Variants in PDE4D observed in about 807,000 individuals in gnomAD.
PDE4D encodes phosphodiesterase 4D, also known as 3',5'-cyclic-AMP phosphodiesterase 4D.
A neutral mutation model predicts 87.4 loss-of-function variants in PDE4D; 24 were observed. The observed-to-expected ratio is 0.27, with a 90% CI of 0.20 to 0.39. The LOEUF (loss-of-function observed/expected upper bound fraction) is 0.39, where lower values mean the gene tolerates loss of function less well. PDE4D is among the 10% of genes least tolerant of loss of function. The pLI is 1.00. For missense variants in PDE4D, 714 were observed against 1,041.0 expected, an observed-to-expected ratio of 0.69 and a Z score of 4.32; for synonymous variants, 384 against 383.2, an observed-to-expected ratio of 1.00 and a Z score of -0.02.
At chr5:59,861,921 T>C (rs141210315) in intron 1 of PDE4D, among the ~76,000 whole-genome samples, 62 of 152,338 alleles carry the variant, frequency 4.1e-4, no homozygotes, top group Non-Finnish European at 6.9e-4. Flanking sequence ...AAGGCCTGAG[T>C]AGGGCCAGCC....
At position 59,245,840 on chromosome 5, in the gene PDE4D, A is replaced by G. The variant is rs1178214614; in HGVS notation, c.456-29872T>C. On this transcript the variant is annotated intron_variant, in intron 1 of 14. Coordinates refer to ENST00000340635, the MANE Select transcript of PDE4D (RefSeq NM_001104631.2). ...AAATGCCACTAAACTGCAAAGCACA[A>G]TCCCAGGCACATTGTAAAAATGGAA... is the stretch of plus-strand genomic sequence containing the variant. Among the ~76,000 whole-genome samples, 4 of 151,984 alleles carry G rather than the reference A, an allele frequency of 2.6e-5. No individual in the cohort carries two copies. The East Asian group carries it at 7.7e-4, about 29-fold the overall frequency.
chr5:60,034,181 G>A (rs190358396), intron 2 of PDE4D, among the ~76,000 whole-genome samples: 151 of 152,312 alleles, frequency 9.9e-4, no homozygotes, highest in Non-Finnish European at 1.8e-3. Context: ...AGATTTGGGG[G>A]ATGGTAAAGA....
intron 1 of PDE4D, among the ~76,000 whole-genome samples, chr5:60,422,061 C>A (rs919563975): frequency 6.6e-6 from 1 of 152,146 alleles, no homozygotes; most frequent in Non-Finnish European, 1.5e-5. Context: ...ACCAAATCTA[C>A]GTCTGATTGA....
intron 1 of PDE4D, among the ~76,000 whole-genome samples, chr5:59,503,206 A>G (rs1808634985): frequency 6.6e-6 from 1 of 152,144 alleles, no homozygotes; most frequent in Non-Finnish European, 1.5e-5. Flanking sequence ...GAGTATGGCA[A>G]AGTGATAAAA....
intron 1 of PDE4D, among the ~76,000 whole-genome samples, chr5:60,473,829 A>C: frequency 6.7e-6 from 1 of 150,148 alleles, no homozygotes. Flanking sequence ...CACCCTCCCC[A>C]CTGTTTGATG....
chr5:60,490,469 A>G (rs556199942), upstream of PDE4D: 15 of 152,362 alleles, frequency 9.8e-5, no homozygotes, highest in East Asian at 2.3e-3. Context: ...AAACTAAAAA[A>G]TATACATACT....
intron 1 of PDE4D, among the ~76,000 whole-genome samples, chr5:59,551,510 T>C (rs926929552): frequency 1.3e-5 from 2 of 151,066 alleles, no homozygotes; most frequent in African/African-American, 4.9e-5. Flanking sequence ...CATAAATGAG[T>C]CTTATTTGAA....
intron 1 of PDE4D, among the ~76,000 whole-genome samples, chr5:60,500,866 A>T (rs926073606): frequency 5.3e-5 from 8 of 152,208 alleles, no homozygotes; most frequent in Non-Finnish European, 1.0e-4. Flanking sequence ...TATTGCTATG[A>T]TTATAAGGCA....
chr5:59,016,683 A>T (rs1409113907), intron 6 of PDE4D, among the ~76,000 whole-genome samples: 1 of 152,150 alleles, frequency 6.6e-6, no homozygotes, highest in Non-Finnish European at 1.5e-5. Context: ...TTATTAACAA[A>T]CAAATACAAA....
intron 1 of PDE4D, among the ~76,000 whole-genome samples, chr5:59,867,966 C>G (rs1217443582): frequency 6.6e-6 from 1 of 152,090 alleles, no homozygotes; most frequent in Non-Finnish European, 1.5e-5. Context: ...TCATGAGTAT[C>G]TTTTGATACT....
rs58421698 is a variant in PDE4D, at chr5:60,299,907, G to T, written c.-89-114220C>A. ...AATAGAATGATTTATATTCCTTTGGGTATATAGCCAGTAATGGGATCTGGC... is the reference window on the plus strand; with the variant it reads ...AATAGAATGATTTATATTCCTTTGGTTATATAGCCAGTAATGGGATCTGGC... On this transcript the variant is annotated intron_variant, in intron 1 of 16. Coordinates refer to the PDE4D transcript ENST00000502484. Among the ~76,000 whole-genome samples the T allele has an allele frequency of 2.6e-4, 39 of 152,186 alleles. No individual in the cohort carries two copies. The East Asian group carries it at 7.5e-3, about 29-fold the overall frequency.
intron 1 of PDE4D, among the ~76,000 whole-genome samples, chr5:60,210,073 G>A (rs1486895265): frequency 6.6e-6 from 1 of 152,036 alleles, no homozygotes; most frequent in Non-Finnish European, 1.5e-5. Context: ...TACTAACTTA[G>A]AATCTACAAA....
chr5:60,016,092 C>A lies in PDE4D; in HGVS notation c.43-27375G>T, dbSNP rs868550941. On this transcript the variant is annotated intron_variant, in intron 2 of 16. Transcript: ENST00000502484. Reference sequence around the variant, plus strand: ...ACATACATATATATACACATACACACAGGCATACCTCAAAGATATAGCAGG... The same window carrying A: ...ACATACATATATATACACATACACAAAGGCATACCTCAAAGATATAGCAGG... Among the ~76,000 whole-genome samples, 7 of 151,906 alleles carry A rather than the reference C, an allele frequency of 4.6e-5. 1 individual carries two copies. In the Middle Eastern group the frequency reaches 0.014, roughly 295 times the overall value.
intron 6 of PDE4D, among the ~76,000 whole-genome samples, chr5:59,021,836 T>C (rs1755203083): frequency 6.6e-6 from 1 of 152,218 alleles, no homozygotes; most frequent in African/African-American, 2.4e-5. Context: ...AATAATAACC[T>C]ATGATATATT....
intron 2 of PDE4D, among the ~76,000 whole-genome samples, chr5:60,030,121 C>T (rs1256531448): frequency 6.6e-6 from 1 of 152,222 alleles, no homozygotes; most frequent in African/African-American, 2.4e-5. Context: ...ATTACACAGA[C>T]TTAACCCCAA....
At chr5:59,995,670 A>G (rs1254563890) in intron 2 of PDE4D, among the ~76,000 whole-genome samples, 1 of 152,110 alleles carries the variant, frequency 6.6e-6, no homozygotes, top group Non-Finnish European at 1.5e-5. Context: ...ATCCAAGACA[A>G]TGAATACAAA....
chr5:60,235,374 T>C (rs1401488302), intron 1 of PDE4D, among the ~76,000 whole-genome samples: 1 of 151,936 alleles, frequency 6.6e-6, no homozygotes, highest in Non-Finnish European at 1.5e-5. Context: ...TCTTCTATAG[T>C]ATAATGATTA....
intron 1 of PDE4D, among the ~76,000 whole-genome samples, chr5:59,659,922 T>C (rs946309146): frequency 2.6e-5 from 4 of 152,162 alleles, no homozygotes; most frequent in African/African-American, 9.7e-5. Context: ...TGGTAGCTCA[T>C]GCCTGCAATC....
At chr5:59,871,449 T>C (rs1747807902) in intron 1 of PDE4D, among the ~76,000 whole-genome samples, 3 of 152,338 alleles carry the variant, frequency 2.0e-5, no homozygotes, top group African/African-American at 7.2e-5. Flanking sequence ...TGCAGTCTCC[T>C]GACCCATGGA....
Sources: gnomAD v4.1 joint callset for allele counts (sites outside exome capture counted in the v4.1 genomes callset) on GRCh38, gnomAD v4.1.1 for gene constraint, MANE v1.5 for transcripts, NCBI Gene and HGNC (gene_info 2026-07-23, HGNC 2026-07-21) for gene names.